POU6F1: variants seen among roughly 807,000 people sequenced by gnomAD.
POU6F1 encodes the protein POU class 6 homeobox 1.
A neutral mutation model predicts 28.9 loss-of-function variants in POU6F1; 9 were observed. That is an observed-to-expected ratio of 0.31 (90% confidence interval 0.19 to 0.54). The LOEUF (loss-of-function observed/expected upper bound fraction) is 0.54, where lower values mean the gene tolerates loss of function less well. Ranked by LOEUF, POU6F1 falls within the 20% of genes least tolerant of loss-of-function variation. The pLI is 0.94. For missense variants in POU6F1, 338 were observed against 426.1 expected, an observed-to-expected ratio of 0.79 and a Z score of 1.82; for synonymous variants, 173 against 171.1, an observed-to-expected ratio of 1.01 and a Z score of -0.09.
chr12:51,200,994 G>A (rs1452988443), intron 3 of POU6F1, among the ~76,000 whole-genome samples: 4 of 152,140 alleles, frequency 2.6e-5, no homozygotes. Flanking sequence ...CGCCTGGCCA[G>A]ATCAATGGCT....
intron 2 of POU6F1, among the ~76,000 whole-genome samples, chr12:51,206,293 G>A (rs1592184620): frequency 6.6e-6 from 1 of 150,844 alleles, no homozygotes; most frequent in African/African-American, 2.4e-5. Context: ...TGTGGTGGTG[G>A]GTGCCTGTAG....
At position 51,190,662 on chromosome 12, in the gene POU6F1, G is replaced by T. The variant is rs533615358; in HGVS notation, c.1491-70C>A. On this transcript the variant is annotated intron_variant, in intron 10 of 10. Transcript: ENST00000333640. The surrounding 1 kb of genome is among the most constrained non-coding windows in gnomAD (Gnocchi z 4.5). Reference sequence around the variant, plus strand: ...GTCTCTTTGGCACACCCCGCACCTAGGTGCAGGCTCCATCCTCAAGGGGCC... The same window carrying T: ...GTCTCTTTGGCACACCCCGCACCTATGTGCAGGCTCCATCCTCAAGGGGCC... 1 of 1,559,040 alleles carries T rather than the reference G, an allele frequency of 6.4e-7. No homozygotes were observed. Among genetic ancestry groups the T allele is most frequent in the African/African-American group, 1.4e-5 (1 of 73,300 alleles).
chr12:51,190,517 A>T lies in POU6F1; in HGVS notation c.1566T>A (p.Ala522=). 6.2e-7 allele frequency: 1 copy of T among 1,614,142 alleles called. No individual in the cohort carries two copies. Among genetic ancestry groups the T allele is most frequent in the Non-Finnish European group, 8.5e-7 (1 of 1,180,018 alleles). ...KPVLEKWLNE[A]ELRNQEGQQN... Reference sequence around the variant, plus strand: ...GCTGGCCTTCCTGGTTCCGCAGTTCAGCTTCGTTTAGCCACTTTTCCAGCA... The same window carrying T: ...GCTGGCCTTCCTGGTTCCGCAGTTCTGCTTCGTTTAGCCACTTTTCCAGCA... Residue 522 remains alanine, a synonymous_variant, in exon 11 of 11, where the codon GCT becomes GCA. Transcript: ENST00000333640. This position sits in a 1 kb window ranked among gnomAD's most constrained non-coding sequence, Gnocchi z 4.5.
chr12:51,215,666 A>G (rs1015774225), intron 1 of POU6F1, among the ~76,000 whole-genome samples: 11 of 151,620 alleles, frequency 7.3e-5, no homozygotes, highest in Non-Finnish European at 1.3e-4. Context: ...TCTCATTCCA[A>G]GCCTTCCTCC....
In POU6F1 at chr12:51,196,905, C is replaced by T; in HGVS notation, c.869G>A (p.Gly290Glu). Residue 290 changes from glycine to glutamate, a missense_variant, in exon 7 of 11, where the codon GGA (glycine) becomes GAA (glutamate). Around this residue, in one of 3 missense-constraint regions of POU6F1, gnomAD observed 206 missense variants for 225.6 expected, o/e 0.91. Transcript: ENST00000333640. ...PGIISAASLG[G>E]QTQILGSLTT... ...GAGGGACCCCAGGATCTGGGTCTGT[C>T]CCCCGAGGGAAGCAGCACTGATCTG... 6.2e-7 allele frequency: 1 copy of T among 1,602,434 alleles called. No individual in the cohort carries two copies. Among genetic ancestry groups the T allele is most frequent in the Non-Finnish European group, 8.5e-7 (1 of 1,170,004 alleles).
At position 51,204,197 on chromosome 12, in the gene POU6F1, G is replaced by A; in HGVS notation, c.220C>T (p.Leu74=). 2.5e-6 allele frequency: 1 copy of A among 399,226 alleles called. No homozygotes were observed. The highest frequency in any genetic ancestry group is 4.4e-6 in the Non-Finnish European group (1 of 226,264). The allele number at this position is 399,226 out of a possible 1,614,324, so 24.7% of individuals were successfully genotyped here. The part of the protein sequence containing the change: ...QAAGEAGPDN[L]GSSAEATVKS... Reference sequence around the variant, plus strand: ...CCAGTTGCCTCTGCAGAGGAGCCCAGGTTGTCTGGCCCAGCTTCACCAGCA... The same window carrying A: ...CCAGTTGCCTCTGCAGAGGAGCCCAAGTTGTCTGGCCCAGCTTCACCAGCA... Residue 74 remains leucine, a synonymous_variant, in exon 3 of 11, where the codon CTG becomes TTG. Coordinates refer to ENST00000333640, the MANE Select transcript of POU6F1 (RefSeq NM_001330422.2).
intron 7 of POU6F1, among the ~76,000 whole-genome samples, chr12:51,196,495 T>A (rs59245765): frequency 0.015 from 2,359 of 152,246 alleles, 62 homozygotes; most frequent in African/African-American, 0.054. Flanking sequence ...AAAATCTCCA[T>A]CTAATAGATT....
intron 3 of POU6F1, chr12:51,202,099 A>T (rs1943255585): frequency 6.6e-6 from 1 of 151,880 alleles, no homozygotes; most frequent in Non-Finnish European, 1.5e-5. Context: ...GAGCTCGAGC[A>T]ATCCACATGC....
intron 1 of POU6F1, among the ~76,000 whole-genome samples, chr12:51,211,285 C>T (rs1005866040): frequency 7.2e-5 from 11 of 152,204 alleles, no homozygotes; most frequent in Non-Finnish European, 1.2e-4. Flanking sequence ...CAGAGCTGCT[C>T]TGGTTAAAGC....
chr12:51,210,442 TA>T (rs1283174870), intron 1 of POU6F1, among the ~76,000 whole-genome samples: 6 of 152,206 alleles, frequency 3.9e-5, no homozygotes, highest in Admixed American at 3.9e-4. Context: ...AAGGCAGCAG[TA>T]GCCAATCTTT....
chr12:51,214,318 G>C (rs1298068307), intron 1 of POU6F1, among the ~76,000 whole-genome samples: 3 of 152,020 alleles, frequency 2.0e-5, no homozygotes, highest in African/African-American at 2.4e-5. Context: ...GGTAGAGAGA[G>C]GTCAGGTGAC....
intron 1 of POU6F1, among the ~76,000 whole-genome samples, chr12:51,211,832 T>C (rs1162975699): frequency 6.6e-6 from 1 of 152,134 alleles, no homozygotes; most frequent in African/African-American, 2.4e-5. Context: ...GCTAAGGCAT[T>C]TGCCTACCAC....
rs1441089333 is a variant in POU6F1 at position 51,217,743 on chromosome 12, C to A, written c.-149G>T. Reference sequence around the variant, plus strand: ...CAGGGGGCCGGGGCCGGGGCCGGGGCCACGGCGGCCGCCGCCCGCAGACAA... The same window carrying A: ...CAGGGGGCCGGGGCCGGGGCCGGGGACACGGCGGCCGCCGCCCGCAGACAA... On this transcript the variant is annotated 5_prime_UTR_variant, in exon 1 of 11. Coordinates refer to ENST00000333640, the MANE Select transcript of POU6F1 (RefSeq NM_001330422.2). The surrounding 1 kb of genome is among the most constrained non-coding windows in gnomAD (Gnocchi z 5.3). 1.3e-5 allele frequency: 2 copies of A among 151,802 alleles called. No individual in the cohort carries two copies. The highest frequency in any genetic ancestry group is 3.0e-5 in the Non-Finnish European group (2 of 67,758). 9.4% of individuals were successfully genotyped at this position (151,802 alleles called of 1,614,324 possible).
At chr12:51,204,770 A>G (rs933200793) in intron 2 of POU6F1, among the ~76,000 whole-genome samples, 1 of 152,116 alleles carries the variant, frequency 6.6e-6, no homozygotes, top group African/African-American at 2.4e-5. Context: ...GGCTCCTAAC[A>G]TGGTATCCAC....
Position 51,190,299 on chromosome 12 carries a change from C to T in POU6F1, c.1784G>A (p.Arg595Gln), listed in dbSNP as rs1229420227. The change falls in exon 11 of 11, where the codon CGG becomes CAG. Residue 595 changes from arginine to glutamine, a missense_variant. Physicochemically the swap from Arg to Gln is conservative, Grantham distance 43 (BLOSUM62 1). Transcript: ENST00000333640. This position sits in a 1 kb window ranked among gnomAD's most constrained non-coding sequence, Gnocchi z 4.5. ...REVVRVWFCN[R>Q]RQTLKNTSKL... ...GCTGGTGTTCTTGAGCGTCTGGCGC[C>T]GATTGCAGAACCAGACCCGCACTAC... 13 of 1,614,180 alleles carry T rather than the reference C, an allele frequency of 8.1e-6. No homozygotes were observed. The highest frequency in any genetic ancestry group is 2.2e-5 in the East Asian group (1 of 44,882).
chr12:51,211,652 C>G (rs1467521392), intron 1 of POU6F1, among the ~76,000 whole-genome samples: 2 of 152,140 alleles, frequency 1.3e-5, no homozygotes, highest in African/African-American at 4.8e-5. Context: ...ACTTGGGAAG[C>G]TGAGGTAGGA....
At position 51,199,482 on chromosome 12, in the gene POU6F1, G is replaced by A. The variant is rs1592161315; in HGVS notation, c.366+265C>T. 6.6e-6 allele frequency among the ~76,000 whole-genome samples: 1 copy of A among 152,216 alleles called. No homozygotes were observed. The highest frequency in any genetic ancestry group is 6.5e-5 in the Admixed American group (1 of 15,282). ...CATTTGATAAACAGAAACTCTGGCT[G>A]CGTGAAAGAGTTAATGTTATTTCTG... On this transcript the variant is annotated intron_variant, in intron 4 of 10. Coordinates refer to ENST00000333640, the MANE Select transcript of POU6F1 (RefSeq NM_001330422.2). This position sits in a 1 kb window ranked among gnomAD's most constrained non-coding sequence, Gnocchi z 4.1.
In POU6F1 at chr12:51,190,229, A is replaced by G. The variant is rs1288047483; in HGVS notation, c.*18T>C. On this transcript the variant is annotated 3_prime_UTR_variant, in exon 11 of 11. Coordinates refer to ENST00000333640, the MANE Select transcript of POU6F1 (RefSeq NM_001330422.2). This position sits in a 1 kb window ranked among gnomAD's most constrained non-coding sequence, Gnocchi z 4.5. Reference sequence around the variant, plus strand: ...GGAAATGGACAAAGTGCTAGAACACAGGGCCAGGGGCTGAGCCCTAAGGGA... The same window carrying G: ...GGAAATGGACAAAGTGCTAGAACACGGGGCCAGGGGCTGAGCCCTAAGGGA... 1.9e-6 allele frequency: 3 copies of G among 1,611,336 alleles called. No homozygotes were observed. The Admixed American group carries it at 5.0e-5, about 27-fold the overall frequency.
chr12:51,197,183 G>A (rs1261965593), intron 6 of POU6F1: 3 of 281,112 alleles, frequency 1.1e-5, no homozygotes, highest in African/African-American at 7.4e-5. Context: ...TCTACCGGCT[G>A]GATGGTTTCC....
Sources: allele counts gnomAD v4.1 joint callset (sites outside exome capture counted in the v4.1 genomes callset), GRCh38; gene constraint gnomAD v4.1.1; regional missense constraint gnomAD v4.1.1; non-coding constraint Gnocchi (gnomAD v3.1); transcripts MANE v1.5; gene names NCBI Gene and HGNC (gene_info 2026-07-23, HGNC 2026-07-21).